MAPK10: variants seen among roughly 807,000 people sequenced by gnomAD.
MAPK10 encodes the protein JNK3 alpha protein kinase.
A neutral mutation model predicts 59.3 loss-of-function variants in MAPK10; 25 were observed. That is an observed-to-expected ratio of 0.42 (90% CI 0.31 to 0.59). MAPK10 has a LOEUF of 0.59. Ranked by LOEUF, MAPK10 falls within the 20% of genes least tolerant of loss-of-function variation. The pLI, the probability that MAPK10 is intolerant of heterozygous loss-of-function variation, is 0.15. For synonymous variants in MAPK10, 190 were observed against 200.5 expected (o/e 0.95, Z 0.44); for missense variants, 351 against 568.9 (o/e 0.62, Z 3.90).
chr4:86,230,369 G>A (rs909469414), intron 2 of MAPK10, among the ~76,000 whole-genome samples: 4 of 152,272 alleles, frequency 2.6e-5, no homozygotes, highest in East Asian at 1.9e-4. Context: ...CATAAAGAAA[G>A]GTTTGGCATA....
At chr4:86,020,401 T>C (rs1457190916) in intron 13 of MAPK10, 3 of 152,252 alleles carry the variant, frequency 2.0e-5, no homozygotes, top group African/African-American at 7.2e-5. Context: ...TGAACATTCA[T>C]GCACGAGTTT....
chr4:86,546,184 T>A lies in MAPK10; in HGVS notation c.-263+47726A>T, dbSNP rs191834626. ...GCTGCAGTAAGCCGAGATGGCGCCA[T>A]TGCACTCCAGTCTGGACAACAGAGC... On this transcript the variant is annotated intron_variant, in intron 1 of 4. Coordinates refer to the MAPK10 transcript ENST00000502302. Among the ~76,000 whole-genome samples, 404 of 151,718 alleles carry A rather than the reference T, an allele frequency of 2.7e-3. 2 individuals carry two copies. Among genetic ancestry groups the A allele is most frequent in the African/African-American group, 9.5e-3 (393 of 41,310 alleles).
intron 2 of MAPK10, among the ~76,000 whole-genome samples, chr4:86,249,736 A>G (rs546369221): frequency 1.9e-4 from 29 of 152,332 alleles, no homozygotes; most frequent in African/African-American, 6.7e-4. Flanking sequence ...TTTTTATTGT[A>G]TCAAATCCCA....
At chr4:86,258,360 C>T (rs558285041) in intron 2 of MAPK10, among the ~76,000 whole-genome samples, 1 of 152,202 alleles carries the variant, frequency 6.6e-6, no homozygotes, top group African/African-American at 2.4e-5. Flanking sequence ...TCCCCATTTT[C>T]CTTGTTCTCA....
chr4:86,309,497 G>A (rs1288809332), intron 2 of MAPK10, among the ~76,000 whole-genome samples: 1 of 152,164 alleles, frequency 6.6e-6, no homozygotes, highest in Non-Finnish European at 1.5e-5. Context: ...CACGGTAATT[G>A]CATTAAGGAG....
chr4:86,157,836 T>C (rs754439593), intron 4 of MAPK10, among the ~76,000 whole-genome samples: 1 of 152,016 alleles, frequency 6.6e-6, no homozygotes, highest in East Asian at 1.9e-4. Context: ...TTTGAGTCAT[T>C]AAAGGTCTAT....
chr4:86,310,545 G>C (rs1008195707), intron 2 of MAPK10, among the ~76,000 whole-genome samples: 1 of 152,194 alleles, frequency 6.6e-6, no homozygotes, highest in Non-Finnish European at 1.5e-5. Context: ...TAGTACATTG[G>C]ATTTACCACA....
At chr4:86,263,036 T>C (rs1209224809) in intron 2 of MAPK10, among the ~76,000 whole-genome samples, 1 of 152,160 alleles carries the variant, frequency 6.6e-6, no homozygotes, top group African/African-American at 2.4e-5. Context: ...GTGTGGTGAA[T>C]CAGGGGCTGC....
chr4:86,096,382 A>AT (rs2054227302), intron 9 of MAPK10, among the ~76,000 whole-genome samples: 1 of 151,884 alleles, frequency 6.6e-6, no homozygotes, highest in Non-Finnish European at 1.5e-5. Flanking sequence ...GAAGGGTTAG[A>AT]TTGAGTTTAA....
chr4:86,268,097 GTACA>G (rs2094315867), intron 2 of MAPK10: 1 of 152,128 alleles, frequency 6.6e-6, no homozygotes, highest in South Asian at 2.1e-4. Context: ...GGACATGTGT[GTACA>G]TACATACACA....
chr4:86,219,702 T>A (rs983221039), intron 2 of MAPK10: 1 of 152,138 alleles, frequency 6.6e-6, no homozygotes, highest in Non-Finnish European at 1.5e-5. Flanking sequence ...GACAGTAACA[T>A]AAATTAGTAG....
intron 9 of MAPK10, chr4:86,095,380 AAG>A (rs2054034378): frequency 6.6e-6 from 1 of 151,918 alleles, no homozygotes; most frequent in African/African-American, 2.4e-5. Flanking sequence ...AAGTTCTGTG[AAG>A]AGAGAAGAAA....
intron 2 of MAPK10, among the ~76,000 whole-genome samples, chr4:86,265,339 T>A (rs945923015): frequency 6.6e-6 from 1 of 151,800 alleles, no homozygotes; most frequent in African/African-American, 2.4e-5. Flanking sequence ...CAAAACCCCA[T>A]CTCTACTAAA....
At chr4:86,189,823 G>C (rs1201700103) in intron 3 of MAPK10, among the ~76,000 whole-genome samples, 1 of 152,058 alleles carries the variant, frequency 6.6e-6, no homozygotes, top group Non-Finnish European at 1.5e-5. Flanking sequence ...CTTGTCTTCT[G>C]CTGGTTTTCT....
At chr4:86,366,702 G>A (rs1380853077) in intron 1 of MAPK10, among the ~76,000 whole-genome samples, 1 of 152,146 alleles carries the variant, frequency 6.6e-6, no homozygotes, top group African/African-American at 2.4e-5. Flanking sequence ...AGATTTCTGG[G>A]TTCAGCTGCA....
intron 1 of MAPK10, among the ~76,000 whole-genome samples, chr4:86,532,072 TTA>T (rs886219856): frequency 8.1e-5 from 12 of 147,512 alleles, no homozygotes; most frequent in Non-Finnish European, 1.2e-4. Context: ...TATATTATTT[TTA>T]TATATATACA....
intron 2 of MAPK10, among the ~76,000 whole-genome samples, chr4:86,225,446 C>T (rs1033712057): frequency 4.6e-5 from 7 of 152,086 alleles, no homozygotes; most frequent in Admixed American, 1.3e-4. Context: ...GTGACTCTAC[C>T]GAGAGAAGAC....
intron 4 of MAPK10, chr4:86,107,576 G>A: frequency 2.6e-6 from 3 of 1,153,542 alleles, no homozygotes; most frequent in East Asian, 4.4e-5. Context: ...GGAAGAAGGA[G>A]AAACAGGAGA....
At position 86,159,441 on chromosome 4, in the gene MAPK10, T is replaced by C. The variant is rs751249898; in HGVS notation, c.93A>G (p.Ser31=). 6.2e-7 allele frequency: 1 copy of C among 1,611,304 alleles called. No individual in the cohort carries two copies. The highest frequency in any genetic ancestry group is 1.7e-5 in the Admixed American group (1 of 59,686). ...TCATGTTGTAATGTTTGGCAATATA[T>C]GACACATCCACTTGTTTATCGAATC... ...CQGFDKQVDV[S]YIAKHYNMSK... is the part of the protein sequence containing the mutation. The change falls in exon 4 of 14, where the codon TCA becomes TCG. Residue 31 remains serine (S), a synonymous_variant. Coordinates refer to ENST00000641462, the MANE Select transcript of MAPK10 (RefSeq NM_138982.4).
Sources: allele counts gnomAD v4.1 joint callset (sites outside exome capture counted in the v4.1 genomes callset), GRCh38; gene constraint gnomAD v4.1.1; transcripts MANE v1.5; gene names NCBI Gene and HGNC (gene_info 2026-07-23, HGNC 2026-07-21).